PTPRA: variants seen among roughly 807,000 people sequenced by gnomAD.
The protein encoded by PTPRA is receptor-type tyrosine-protein phosphatase alpha.
Under a neutral mutation model 104.8 loss-of-function variants are expected in PTPRA, and 25 were observed. That is an observed-to-expected ratio of 0.24 (90% CI 0.17 to 0.33). PTPRA has a LOEUF of 0.33. PTPRA is among the 10% of genes least tolerant of loss of function. The pLI is 1.00. For synonymous variants in PTPRA, 323 were observed against 368.9 expected (o/e 0.88, Z 1.43); for missense variants, 765 against 1,015.3 (o/e 0.75, Z 3.35).
At position 3,001,658 on chromosome 20, in the gene PTPRA, A is replaced by G. The variant is rs1022021570; in HGVS notation, c.739-3398A>G. 1.1e-4 allele frequency among the ~76,000 whole-genome samples: 16 copies of G among 152,206 alleles called. No homozygotes were observed. In the South Asian group the frequency reaches 1.7e-3, roughly 16 times the overall value. On this transcript the variant is annotated intron_variant, in intron 9 of 23. Coordinates refer to ENST00000399903, the MANE Select transcript of PTPRA (RefSeq NM_001385305.1). Reference sequence around the variant, plus strand: ...AACTGAGAAATTCTGATCTAAAATAATGGTCTCTACTGCGTGTGTAAGAGT... The same window carrying G: ...AACTGAGAAATTCTGATCTAAAATAGTGGTCTCTACTGCGTGTGTAAGAGT...
Position 2,964,882 on chromosome 20 carries a change from C to A in PTPRA, c.95C>A (p.Thr32Lys), listed in dbSNP as rs779225419. ...ATTVAPSVGI[T>K]RLINSSTAEP... is the part of the protein sequence containing the mutation. ...GTAGTTGCACCTTCTGTAGGAATTA[C>A]AAGATTAATTAACTCATCAACGGCA... Residue 32 changes from threonine to lysine, a missense_variant, in exon 5 of 24, where the codon ACA becomes AAA. Around this residue, in one of 4 missense-constraint regions of PTPRA, gnomAD observed 256 missense variants for 248.9 expected, o/e 1.03. Coordinates refer to ENST00000399903, the MANE Select transcript of PTPRA (RefSeq NM_001385305.1). 1.9e-6 allele frequency: 3 copies of A among 1,613,364 alleles called. No individual in the cohort carries two copies. In the African/African-American group the frequency reaches 4.0e-5, roughly 22 times the overall value.
In PTPRA at chr20:2,916,013, T is replaced by G. The variant is rs562356503; in HGVS notation, c.-128-7194T>G. Among the ~76,000 whole-genome samples the G allele has an allele frequency of 2.6e-5, 4 of 152,304 alleles. No individual in the cohort carries two copies. The East Asian group carries it at 7.7e-4, about 29-fold the overall frequency. On this transcript the variant is annotated intron_variant, in intron 1 of 23. Transcript: ENST00000399903. ...CAATAATTTTATAGTTGTAGCTTTTTAAGTTTTTAATCCACTTTGATTTTT... is the reference window on the plus strand; with the variant it reads ...CAATAATTTTATAGTTGTAGCTTTTGAAGTTTTTAATCCACTTTGATTTTT...
chr20:2,865,828 G>A, the PTPRA span: 2 of 464,956 alleles, frequency 4.3e-6, no homozygotes, highest in South Asian at 4.8e-5. The surrounding 1 kb of genome is among the most constrained non-coding windows in gnomAD (Gnocchi z 5.2). Context: ...GGGAGGCAGT[G>A]GAGATACTGA....
At chr20:2,974,426 T>G (rs771475917) in intron 5 of PTPRA, among the ~76,000 whole-genome samples, 4 of 148,422 alleles carry the variant, frequency 2.7e-5, no homozygotes, top group African/African-American at 1.0e-4. Flanking sequence ...CATTTTGGTT[T>G]TGATTTTTTT....
chr20:2,920,836 G>C (rs2060071820), intron 1 of PTPRA, among the ~76,000 whole-genome samples: 1 of 151,968 alleles, frequency 6.6e-6, no homozygotes. Context: ...GTTCTAGAGA[G>C]GTTTTTTTAA....
At chr20:2,914,145 G>A (rs749953646) in intron 1 of PTPRA, among the ~76,000 whole-genome samples, 42 of 152,142 alleles carry the variant, frequency 2.8e-4, no homozygotes, top group Non-Finnish European at 4.6e-4. Flanking sequence ...GCTGGCTTCT[G>A]TATCCTTTTG....
intron 9 of PTPRA, among the ~76,000 whole-genome samples, chr20:2,998,468 C>T (rs1286113663): frequency 2.0e-5 from 3 of 152,170 alleles, no homozygotes; most frequent in Non-Finnish European, 4.4e-5. Flanking sequence ...TTAGCAGGAA[C>T]TGTGACAAGG....
chr20:2,929,981 A>G (rs553516009), intron 2 of PTPRA, among the ~76,000 whole-genome samples: 1 of 152,350 alleles, frequency 6.6e-6, no homozygotes, highest in East Asian at 1.9e-4. Context: ...GGATACAGTA[A>G]GATGGTGGCC....
At chr20:2,866,796 C>T in the PTPRA span, 3 of 625,750 alleles carry the variant, frequency 4.8e-6, no homozygotes, top group Non-Finnish European at 7.9e-6. Flanking sequence ...CCTCCAGACA[C>T]CACAGCAAAA....
chr20:2,930,411 T>C (rs2060464514), intron 2 of PTPRA, among the ~76,000 whole-genome samples: 1 of 152,154 alleles, frequency 6.6e-6, no homozygotes, highest in Non-Finnish European at 1.5e-5. Context: ...AGTTCAACAG[T>C]GAAAGATGAG....
upstream of PTPRA, among the ~76,000 whole-genome samples, chr20:2,870,556 T>C (rs2089415865): frequency 6.6e-6 from 1 of 152,242 alleles, no homozygotes; most frequent in African/African-American, 2.4e-5. Context: ...AGCAGAGGCC[T>C]CTTCTGTCCT....
chr20:2,864,820 G>GC, the PTPRA span, among the ~76,000 whole-genome samples: 2 of 152,132 alleles, frequency 1.3e-5, no homozygotes, highest in Non-Finnish European at 2.9e-5. This position sits in a 1 kb window ranked among gnomAD's most constrained non-coding sequence, Gnocchi z 5.2. Context: ...TGTCAGAGGA[G>GC]CTAGCCATCC....
chr20:2,994,553 T>A (rs2063323904), intron 9 of PTPRA, among the ~76,000 whole-genome samples: 1 of 152,220 alleles, frequency 6.6e-6, no homozygotes, highest in Non-Finnish European at 1.5e-5. Flanking sequence ...ATTCCAGTGC[T>A]TTCCTCACCA....
intron 10 of PTPRA, 62 bp from the exon 11 acceptor site, chr20:3,007,282 G>A: frequency 2.0e-6 from 3 of 1,494,364 alleles, no homozygotes; most frequent in Non-Finnish European, 2.8e-6. Context: ...TGTCCTGGTT[G>A]CGTCAGGTTC....
At chr20:3,015,800 A>G (rs997222124) in intron 11 of PTPRA, 49 bp from the exon 12 acceptor site, 9 of 1,454,724 alleles carry the variant, frequency 6.2e-6, no homozygotes, top group Admixed American at 3.5e-5. Context: ...TTTCATTTCT[A>G]TTCATTTTTG....
chr20:3,026,157 C>T (rs1444186629), intron 17 of PTPRA, among the ~76,000 whole-genome samples: 2 of 151,880 alleles, frequency 1.3e-5, no homozygotes, highest in African/African-American at 2.4e-5. Context: ...ATGCGGGTCT[C>T]AAACTCCTAA....
chr20:3,021,184 G>A (rs1333944227), intron 13 of PTPRA, 125 bp from the exon 14 acceptor site: 5 of 1,313,412 alleles, frequency 3.8e-6, no homozygotes, highest in East Asian at 4.8e-5. Context: ...CTGAGATAGA[G>A]AAGAGGTCAA....
chr20:2,958,909 T>A lies in PTPRA; in HGVS notation c.-6-5363T>A, dbSNP rs938485143. On this transcript the variant is annotated intron_variant, in intron 3 of 23. Transcript: ENST00000399903. ...CAGGCTCCAGGAGAAATGCTTTGCA[T>A]ATGGCATTCTTGAGGAGTGAGGAGG... 2.7e-4 allele frequency among the ~76,000 whole-genome samples: 41 copies of A among 150,232 alleles called. 4 individuals carry two copies.
rs1340597729 is a variant in PTPRA, at chr20:3,037,666, G to A, written c.2334+377G>A. On this transcript the variant is annotated intron_variant, in intron 23 of 23. Coordinates refer to ENST00000399903, the MANE Select transcript of PTPRA (RefSeq NM_001385305.1). The surrounding 1 kb of genome is among the most constrained non-coding windows in gnomAD (Gnocchi z 4.3). ...CCACAGAGGTTTTCCTGAATCCCAT[G>A]GAGCTAGAAATGTTTGGGGGGTAAA... 6.6e-6 allele frequency among the ~76,000 whole-genome samples: 1 copy of A among 152,232 alleles called. No homozygotes were observed. The highest frequency in any genetic ancestry group is 2.4e-5 in the African/African-American group (1 of 41,460).
Sources: allele counts gnomAD v4.1 joint callset (sites outside exome capture counted in the v4.1 genomes callset), GRCh38; gene constraint gnomAD v4.1.1; regional missense constraint gnomAD v4.1.1; non-coding constraint Gnocchi (gnomAD v3.1); transcripts MANE v1.5; gene names NCBI Gene and HGNC (gene_info 2026-07-23, HGNC 2026-07-21).